The following EXOC4 variants were observed in gnomAD, a reference collection of about 807,000 sequenced individuals.
EXOC4 encodes the protein exocyst complex component 4.
EXOC4 carries 71 observed loss-of-function variants against 107.2 expected under a neutral mutation model. The ratio of observed to expected loss-of-function variants is 0.66; its 90% CI spans 0.55 to 0.81. The LOEUF (loss-of-function observed/expected upper bound fraction) is 0.81. Among genes scored for constraint, EXOC4 ranks in the 30% least tolerant of loss-of-function variants. The pLI is 0.00. For synonymous variants in EXOC4, 456 were observed against 441.2 expected (o/e 1.03, Z -0.42); for missense variants, 1,108 against 1,189.6 (o/e 0.93, Z 1.01).
At chr7:133,311,066 A>G (rs925217568) in intron 4 of EXOC4, among the ~76,000 whole-genome samples, 2 of 152,244 alleles carry the variant, frequency 1.3e-5, no homozygotes, top group Non-Finnish European at 2.9e-5. Flanking sequence ...ACAAAAAATA[A>G]TAAAAATTTT....
At chr7:133,455,060 G>A (rs1490188204) in intron 7 of EXOC4, among the ~76,000 whole-genome samples, 1 of 151,938 alleles carries the variant, frequency 6.6e-6, no homozygotes, top group Non-Finnish European at 1.5e-5. Context: ...CACTCCAGCT[G>A]GGCAACAGAG....
At chr7:133,874,306 T>C (rs1798806556) in intron 11 of EXOC4, among the ~76,000 whole-genome samples, 1 of 152,224 alleles carries the variant, frequency 6.6e-6, no homozygotes, top group African/African-American at 2.4e-5. Flanking sequence ...AAAAGTCATA[T>C]AAAGCAGTTA....
Position 133,840,974 on chromosome 7 carries a change from C to CGT in EXOC4, c.1734+23430_1734+23431insGT. On this transcript the variant is annotated intron_variant, in intron 11 of 17. Coordinates refer to ENST00000253861, the MANE Select transcript of EXOC4 (RefSeq NM_021807.4). The stretch of plus-strand genomic sequence containing the variant: ...TGGAAGAATGGGTATTGTCATAGGC[C>CGT]ATTCGGGCTGCCGTAACAAAATACC... Among the ~76,000 whole-genome samples the CGT allele has an allele frequency of 1.3e-5, 2 of 152,126 alleles. 1 individual carries two copies. Among genetic ancestry groups the CGT allele is most frequent in the South Asian group, 4.2e-4 (2 of 4,816 alleles).
intron 10 of EXOC4, among the ~76,000 whole-genome samples, chr7:133,748,610 G>A (rs984632550): frequency 1.3e-5 from 2 of 152,138 alleles, no homozygotes; most frequent in African/African-American, 4.8e-5. Context: ...TGGATAACAA[G>A]GGGAAAAAGC....
chr7:134,029,368 G>A (rs1432698961), intron 17 of EXOC4, among the ~76,000 whole-genome samples: 1 of 152,160 alleles, frequency 6.6e-6, no homozygotes, highest in Non-Finnish European at 1.5e-5. Context: ...TTCATATGAA[G>A]GTCCAGAATA....
intron 17 of EXOC4, among the ~76,000 whole-genome samples, chr7:134,035,559 T>G (rs76167613): frequency 0.02 from 3,064 of 152,298 alleles, 81 homozygotes; most frequent in African/African-American, 0.061. Flanking sequence ...ATCAGGAGAT[T>G]TATCTTTTAG....
chr7:133,618,064 C>T (rs1448283497), intron 9 of EXOC4, among the ~76,000 whole-genome samples: 3 of 152,066 alleles, frequency 2.0e-5, no homozygotes, highest in East Asian at 3.9e-4. Flanking sequence ...ACCAGATCAG[C>T]AAAGACTTCC....
chr7:133,968,254 C>T (rs1362432080), intron 14 of EXOC4, among the ~76,000 whole-genome samples: 2 of 152,076 alleles, frequency 1.3e-5, no homozygotes, highest in Non-Finnish European at 2.9e-5. Flanking sequence ...TGAGATGGGT[C>T]TCCTGAATAC....
At chr7:133,673,225 A>G (rs1397377462) in intron 10 of EXOC4, among the ~76,000 whole-genome samples, 3 of 152,148 alleles carry the variant, frequency 2.0e-5, no homozygotes, top group African/African-American at 7.2e-5. Context: ...GGTTCCTTAA[A>G]GGAGTACTTA....
chr7:134,044,354 G>A (rs1166333174), intron 17 of EXOC4, among the ~76,000 whole-genome samples: 1 of 152,198 alleles, frequency 6.6e-6, no homozygotes, highest in Non-Finnish European at 1.5e-5. Flanking sequence ...TAATTCTGAA[G>A]GTAGCAAGTG....
intron 9 of EXOC4, among the ~76,000 whole-genome samples, chr7:133,531,848 C>T (rs1800187144): frequency 6.6e-6 from 1 of 152,140 alleles, no homozygotes; most frequent in African/African-American, 2.4e-5. Context: ...GACCTACAAG[C>T]ACAGATTGAA....
At position 133,686,732 on chromosome 7, in the gene EXOC4, G is replaced by A. The variant is rs576676897; in HGVS notation, c.1514+56591G>A. 7.8e-4 allele frequency among the ~76,000 whole-genome samples: 118 copies of A among 152,156 alleles called. No homozygotes were observed. The Middle Eastern group carries it at 0.031, about 39-fold the overall frequency. On this transcript the variant is annotated intron_variant, in intron 10 of 17. Coordinates refer to ENST00000253861, the MANE Select transcript of EXOC4 (RefSeq NM_021807.4). ...TAATAGATGTGGGTGTGGATGTGGT[G>A]AAAAGGGAACTTTTACACTGCTGGT...
chr7:133,562,307 G>A (rs960284362), intron 9 of EXOC4, among the ~76,000 whole-genome samples: 3 of 152,172 alleles, frequency 2.0e-5, no homozygotes, highest in African/African-American at 7.2e-5. Context: ...TATGAAGGCA[G>A]TATGAGAATT....
At chr7:133,559,005 T>C (rs1800757303) in intron 9 of EXOC4, among the ~76,000 whole-genome samples, 1 of 152,224 alleles carries the variant, frequency 6.6e-6, no homozygotes, top group African/African-American at 2.4e-5. Flanking sequence ...TGTAAAATGC[T>C]TCTCAGGTTT....
intron 14 of EXOC4, among the ~76,000 whole-genome samples, chr7:133,993,788 A>C (rs570008013): frequency 3.3e-4 from 51 of 152,320 alleles, no homozygotes; most frequent in African/African-American, 1.1e-3. Flanking sequence ...AAAAGCAGGG[A>C]AAGTGGGAGC....
At chr7:133,687,611 A>C (rs1159848134) in intron 10 of EXOC4, among the ~76,000 whole-genome samples, 1 of 152,050 alleles carries the variant, frequency 6.6e-6, no homozygotes, top group Non-Finnish European at 1.5e-5. Flanking sequence ...GATTGATTTG[A>C]GACTGAGTTC....
At position 133,429,186 on chromosome 7, in the gene EXOC4, A is replaced by G. The variant is rs34804838; in HGVS notation, c.1183-46142A>G. 8.8e-3 allele frequency among the ~76,000 whole-genome samples: 1,347 copies of G among 152,330 alleles called. 7 individuals are homozygous for G. Among genetic ancestry groups the G allele is most frequent in the Non-Finnish European group, 0.013 (918 of 68,030 alleles). On this transcript the variant is annotated intron_variant, in intron 7 of 17. Transcript: ENST00000253861. ...AGAACGAAGTCTTAGAATATTAGAG[A>G]AAGAATTGATGGAAACATGACTTTT...
At chr7:133,566,731 C>T (rs916382152) in intron 9 of EXOC4, among the ~76,000 whole-genome samples, 1 of 152,098 alleles carries the variant, frequency 6.6e-6, no homozygotes, top group African/African-American at 2.4e-5. Flanking sequence ...AAAACAGTAC[C>T]TTTCATAGAA....
intron 1 of EXOC4, among the ~76,000 whole-genome samples, chr7:133,261,764 T>C (rs960782768): frequency 2.0e-5 from 3 of 152,216 alleles, no homozygotes; most frequent in Non-Finnish European, 4.4e-5. Context: ...CAAAATTCTT[T>C]TGAGTATTCC....
Sources: allele counts gnomAD v4.1 joint callset (sites outside exome capture counted in the v4.1 genomes callset), GRCh38; gene constraint gnomAD v4.1.1; transcripts MANE v1.5; gene names NCBI Gene and HGNC (gene_info 2026-07-23, HGNC 2026-07-21).